Variants in SUCLG2 observed in about 807,000 individuals in gnomAD.
SUCLG2 encodes the protein succinate--CoA ligase [GDP-forming] subunit beta, mitochondrial.
Under a neutral mutation model 47.9 loss-of-function variants are expected in SUCLG2, and 42 were observed. That is an observed-to-expected ratio of 0.88 (90% CI 0.69 to 1.14). The LOEUF is 1.14. Ranked by LOEUF, SUCLG2 falls within the 50% of genes most tolerant of loss-of-function variation. The pLI is 0.00. For synonymous variants in SUCLG2, 195 were observed against 197.3 expected, an observed-to-expected ratio of 0.99 and a Z score of 0.10; for missense variants, 571 against 525.9, an observed-to-expected ratio of 1.09 and a Z score of -0.84.
chr3:67,397,693 A>T (rs1211257361), intron 10 of SUCLG2, among the ~76,000 whole-genome samples: 1 of 152,212 alleles, frequency 6.6e-6, no homozygotes, highest in Admixed American at 6.5e-5. Flanking sequence ...TGGAACCAAA[A>T]AAGAGCCAGC....
At chr3:67,487,701 T>C (rs988064960) in intron 9 of SUCLG2, among the ~76,000 whole-genome samples, 1 of 152,136 alleles carries the variant, frequency 6.6e-6, no homozygotes, top group African/African-American at 2.4e-5. Context: ...AGCCAAGACA[T>C]GGGAAAATAA....
At chr3:67,470,843 TTAGA>T (rs762588163) in intron 9 of SUCLG2, among the ~76,000 whole-genome samples, 3 of 152,198 alleles carry the variant, frequency 2.0e-5, no homozygotes, top group Non-Finnish European at 4.4e-5. Context: ...TTGCCACCAC[TTAGA>T]TAGAAAGATA....
intron 1 of SUCLG2, among the ~76,000 whole-genome samples, chr3:67,629,261 G>C (rs969445895): frequency 6.6e-6 from 1 of 152,136 alleles, no homozygotes; most frequent in Non-Finnish European, 1.5e-5. Context: ...CTAACTCCCA[G>C]AGTTAGCACA....
chr3:67,378,576 C>T (rs1190992614), intron 10 of SUCLG2, among the ~76,000 whole-genome samples: 1 of 152,196 alleles, frequency 6.6e-6, no homozygotes, highest in Non-Finnish European at 1.5e-5. Flanking sequence ...GAGATCACTA[C>T]AGCTCGGCTG....
At chr3:67,505,681 G>C (rs1307623644) in intron 7 of SUCLG2, among the ~76,000 whole-genome samples, 1 of 152,194 alleles carries the variant, frequency 6.6e-6, no homozygotes, top group African/African-American at 2.4e-5. Flanking sequence ...GTGGGTACAG[G>C]CCAGGCACAA....
At chr3:67,408,937 G>C (rs1242227429) in intron 9 of SUCLG2, 1 of 1,532,342 alleles carries the variant, frequency 6.5e-7, no homozygotes, top group Non-Finnish European at 8.7e-7. Context: ...TGAGTCAGGA[G>C]TTCCAGCTCC....
chr3:67,558,499 A>G (rs917763648), intron 2 of SUCLG2, among the ~76,000 whole-genome samples: 3 of 152,118 alleles, frequency 2.0e-5, no homozygotes, highest in East Asian at 1.9e-4. Flanking sequence ...CTTGTAGTAC[A>G]TTTGATTCCT....
intron 9 of SUCLG2, among the ~76,000 whole-genome samples, chr3:67,486,146 T>A (rs1308320418): frequency 6.6e-6 from 1 of 152,070 alleles, no homozygotes; most frequent in African/African-American, 2.4e-5. Context: ...GCACCTGTAG[T>A]CCTAGCAACT....
intron 2 of SUCLG2, among the ~76,000 whole-genome samples, chr3:67,546,994 A>T (rs1429382306): frequency 6.6e-6 from 1 of 152,226 alleles, no homozygotes; most frequent in Non-Finnish European, 1.5e-5. Flanking sequence ...ACAGCTTGCT[A>T]ATATGGCTAA....
Position 67,553,116 on chromosome 3 carries a change from T to C in SUCLG2, c.227-23930A>G, listed in dbSNP as rs567900098. 3.9e-5 allele frequency among the ~76,000 whole-genome samples: 6 copies of C among 152,342 alleles called. 1 individual carries two copies. The highest frequency in any genetic ancestry group is 1.4e-4 in the African/African-American group (6 of 41,588). ...CCAAGAAGTGGATATGAATGTTATC[T>C]TGCTGCCCAGGGCATCGAGATCAGG... On this transcript the variant is annotated intron_variant, in intron 2 of 10. Coordinates refer to ENST00000307227, the MANE Select transcript of SUCLG2 (RefSeq NM_003848.4).
At position 67,535,457 on chromosome 3, in the gene SUCLG2, C is replaced by T. The variant is rs1706513497; in HGVS notation, c.227-6271G>A. Among the ~76,000 whole-genome samples, 9 of 152,102 alleles carry T rather than the reference C, an allele frequency of 5.9e-5. 1 individual carries two copies. Among genetic ancestry groups the T allele is most frequent in the Admixed American group, 5.9e-4 (9 of 15,256 alleles). On this transcript the variant is annotated intron_variant, in intron 2 of 10. Transcript: ENST00000307227. ...GCTGCCAAGTGCTACAGTTTGGATGCTTGTCCCCACAAAATCTCTCGTTGA... is the reference window on the plus strand; with the variant it reads ...GCTGCCAAGTGCTACAGTTTGGATGTTTGTCCCCACAAAATCTCTCGTTGA...
chr3:67,627,954 C>T (rs1700863231), intron 1 of SUCLG2, among the ~76,000 whole-genome samples: 1 of 152,170 alleles, frequency 6.6e-6, no homozygotes, highest in African/African-American at 2.4e-5. Context: ...GGGACACTGC[C>T]TCCTGCAAGT....
chr3:67,391,699 G>A (rs374213953), intron 10 of SUCLG2, among the ~76,000 whole-genome samples: 1 of 152,090 alleles, frequency 6.6e-6, no homozygotes, highest in African/African-American at 2.4e-5. Context: ...AATACATTGA[G>A]AACGGGCCCT....
At chr3:67,373,484 G>T (rs551160281), downstream of SUCLG2, among the ~76,000 whole-genome samples, 14 of 152,162 alleles carry the variant, frequency 9.2e-5, no homozygotes, top group Non-Finnish European at 2.1e-4. Context: ...GAGATTTTGG[G>T]TGGGGACACA....
chr3:67,392,522 T>C (rs906694286), intron 10 of SUCLG2, among the ~76,000 whole-genome samples: 1 of 152,180 alleles, frequency 6.6e-6, no homozygotes, highest in Non-Finnish European at 1.5e-5. Flanking sequence ...ATCTACTATA[T>C]TTGGCCCTTT....
At chr3:67,646,817 C>T (rs185496664) in intron 1 of SUCLG2, among the ~76,000 whole-genome samples, 1 of 152,188 alleles carries the variant, frequency 6.6e-6, no homozygotes, top group East Asian at 1.9e-4. Context: ...ATGCCAAAGT[C>T]GCCCAAATGA....
intron 9 of SUCLG2, among the ~76,000 whole-genome samples, chr3:67,449,968 TC>T (rs775209449): frequency 3.9e-5 from 6 of 152,094 alleles, no homozygotes; most frequent in Non-Finnish European, 7.4e-5. Flanking sequence ...AGTATCACTA[TC>T]AATACGAAAA....
rs1705324988 is a variant in SUCLG2 at position 67,495,881 on chromosome 3, GC to G, written c.978del (p.Lys326AsnfsTer12). The part of the protein sequence containing the change: ...TCDIIFLNGG[K>X]PANFLDLGGG... The stretch of plus-strand genomic sequence containing the variant: ...CCTCCAAGATCCAAGAAGTTGGCTG[GC>G]TTCCCACCATTAAGGAAAATGATAT... On this transcript the variant is annotated frameshift_variant, in exon 9 of 11. Coordinates refer to ENST00000307227, the MANE Select transcript of SUCLG2 (RefSeq NM_003848.4). LOFTEE classifies it high-confidence loss of function. 1.2e-6 allele frequency: 2 copies of G among 1,613,982 alleles called. No homozygotes were observed. The highest frequency in any genetic ancestry group is 1.7e-6 in the Non-Finnish European group (2 of 1,179,972).
intron 2 of SUCLG2, among the ~76,000 whole-genome samples, chr3:67,603,405 T>A (rs1386964168): frequency 6.6e-6 from 1 of 152,218 alleles, no homozygotes; most frequent in Non-Finnish European, 1.5e-5. Context: ...CTTAATGGTG[T>A]TAAGTAATTC....
Sources: allele counts gnomAD v4.1 joint callset (sites outside exome capture counted in the v4.1 genomes callset), GRCh38; gene constraint gnomAD v4.1.1; transcripts MANE v1.5; gene names NCBI Gene and HGNC (gene_info 2026-07-23, HGNC 2026-07-21).